The following SH2D4B variants were observed in gnomAD, a reference collection of about 807,000 sequenced individuals.
SH2D4B encodes the protein SH2 domain containing 4B, also known as SH2 domain-containing protein 4B.
A neutral mutation model predicts 61.5 loss-of-function variants in SH2D4B; 45 were observed. The observed-to-expected ratio is 0.73, with a 90% CI of 0.58 to 0.94. The LOEUF (loss-of-function observed/expected upper bound fraction) is 0.94. Among genes scored for constraint, SH2D4B ranks in the 40% least tolerant of loss-of-function variants. SH2D4B has a pLI of 0.00. For missense variants in SH2D4B, 572 were observed against 574.2 expected (o/e 1.00, Z 0.04); for synonymous variants, 224 against 220.4 (o/e 1.02, Z -0.14).
At chr10:80,544,368 C>T (rs565749023) in intron 1 of SH2D4B, among the ~76,000 whole-genome samples, 10 of 152,346 alleles carry the variant, frequency 6.6e-5, no homozygotes, top group African/African-American at 2.4e-4. Flanking sequence ...ACTCCGGATA[C>T]ACCGCTTTTA....
chr10:80,635,100 T>C (rs1842881691), intron 7 of SH2D4B, among the ~76,000 whole-genome samples: 1 of 152,216 alleles, frequency 6.6e-6, no homozygotes, highest in Non-Finnish European at 1.5e-5. Flanking sequence ...CTGTGAGCAT[T>C]AAATGAAGTC....
intron 7 of SH2D4B, among the ~76,000 whole-genome samples, chr10:80,640,093 T>C (rs1840263200): frequency 6.6e-6 from 1 of 152,206 alleles, no homozygotes; most frequent in Non-Finnish European, 1.5e-5. Flanking sequence ...AATTCTTTTG[T>C]TTAAGAATGT....
chr10:80,603,496 A>G (rs1842475569), intron 4 of SH2D4B, 83 bp from the exon 5 acceptor site: 3 of 1,317,720 alleles, frequency 2.3e-6, no homozygotes, highest in Non-Finnish European at 3.1e-6. Flanking sequence ...CTTTTGCACC[A>G]ACCAAATACT....
intron 4 of SH2D4B, among the ~76,000 whole-genome samples, chr10:80,592,295 T>C (rs879034962): frequency 6.6e-6 from 1 of 152,230 alleles, no homozygotes; most frequent in Admixed American, 6.5e-5. Flanking sequence ...ATCAGAGATA[T>C]GGTTTGCAAA....
intron 1 of SH2D4B, among the ~76,000 whole-genome samples, chr10:80,549,296 C>T (rs1346462884): frequency 2.6e-5 from 4 of 151,528 alleles, no homozygotes; most frequent in African/African-American, 7.3e-5. Flanking sequence ...AGAGCTGGGG[C>T]CAGACCTTTC....
rs768747335 is a variant in SH2D4B at position 80,603,810 on chromosome 10, C to T, written c.860+15C>T. 23 of 1,602,574 alleles carry T rather than the reference C, an allele frequency of 1.4e-5. No homozygotes were observed. The highest frequency in any genetic ancestry group is 6.7e-5 in the African/African-American group (5 of 74,844). On this transcript the variant is annotated intron_variant, in intron 5 of 7. Coordinates refer to ENST00000646907, the MANE Select transcript of SH2D4B (RefSeq NM_001388272.1). Reference sequence around the variant, plus strand: ...CTGCCGGTCAGGTGGGTCCAGGCTCCGTGTTGGTGTGGTTGGGGCAAGGGC... The same window carrying T: ...CTGCCGGTCAGGTGGGTCCAGGCTCTGTGTTGGTGTGGTTGGGGCAAGGGC...
In SH2D4B at chr10:80,588,749, GAA is replaced by G; in HGVS notation, c.617_618del (p.Lys206ArgfsTer16). 1 of 1,614,136 alleles carries G rather than the reference GAA, an allele frequency of 6.2e-7. No individual in the cohort carries two copies. Among genetic ancestry groups the G allele is most frequent in the African/African-American group, 1.3e-5 (1 of 75,064 alleles). On this transcript the variant is annotated frameshift_variant, in exon 4 of 8. Coordinates refer to ENST00000646907, the MANE Select transcript of SH2D4B (RefSeq NM_001388272.1). LOFTEE classifies it high-confidence loss of function. The stretch of plus-strand genomic sequence containing the variant: ...CTCAGCTGCATTGCCAAGCCAGTGA[GAA>G]AGAGGAGCGAGAGTGGGAAGAACAG... ...QAQLHCQASE[K>X]EEREWEEQLR...
At chr10:80,592,707 C>G (rs867845020) in intron 4 of SH2D4B, among the ~76,000 whole-genome samples, 6 of 142,416 alleles carry the variant, frequency 4.2e-5, no homozygotes, top group Middle Eastern at 7.2e-3. Context: ...TACTCTGTCT[C>G]TCTGTCTCTT....
At chr10:80,550,353 G>A (rs978536320) in intron 1 of SH2D4B, among the ~76,000 whole-genome samples, 2 of 152,144 alleles carry the variant, frequency 1.3e-5, no homozygotes, top group Non-Finnish European at 2.9e-5. Flanking sequence ...CAGCACTTTG[G>A]GAGGCTGAGG....
chr10:80,596,209 C>T (rs1351716768), intron 4 of SH2D4B, among the ~76,000 whole-genome samples: 1 of 152,252 alleles, frequency 6.6e-6, no homozygotes, highest in East Asian at 1.9e-4. Flanking sequence ...TCCCCTTGCT[C>T]ATTGATAACG....
intron 1 of SH2D4B, among the ~76,000 whole-genome samples, chr10:80,550,885 G>A (rs1208715440): frequency 6.6e-6 from 1 of 151,500 alleles, no homozygotes; most frequent in African/African-American, 2.4e-5. Context: ...CTGCCATGAT[G>A]AAAAACATAT....
At chr10:80,639,018 T>C (rs982192819) in intron 7 of SH2D4B, among the ~76,000 whole-genome samples, 7 of 152,364 alleles carry the variant, frequency 4.6e-5, no homozygotes, top group African/African-American at 1.7e-4. Flanking sequence ...AGAACAACTT[T>C]ATTTCTGCCT....
intron 1 of SH2D4B, among the ~76,000 whole-genome samples, chr10:80,560,599 A>G (rs772790125): frequency 2.7e-5 from 4 of 149,770 alleles, no homozygotes; most frequent in Non-Finnish European, 5.9e-5. Context: ...TTTGTGACCC[A>G]GGCTGGTCTT....
chr10:80,561,068 A>G (rs1422573153), intron 1 of SH2D4B, among the ~76,000 whole-genome samples: 1 of 152,160 alleles, frequency 6.6e-6, no homozygotes, highest in Admixed American at 6.5e-5. Context: ...ATGTATGATG[A>G]GTGTTTTGAG....
chr10:80,590,413 C>G (rs1045168496), intron 4 of SH2D4B, among the ~76,000 whole-genome samples: 2 of 152,106 alleles, frequency 1.3e-5, no homozygotes, highest in Admixed American at 6.5e-5. Flanking sequence ...ATTGGCTATT[C>G]CTGGGAGGGG....
At chr10:80,609,381 C>A in intron 5 of SH2D4B, 43 bp from the exon 6 acceptor site, 1 of 1,503,146 alleles carries the variant, frequency 6.7e-7, no homozygotes, top group South Asian at 1.1e-5. Flanking sequence ...CGCTCTTTCT[C>A]CCTCCCTGAC....
Position 80,633,217 on chromosome 10 carries a change from C to T in SH2D4B, c.989-1068C>T, listed in dbSNP as rs138362975. ...ATGGGCAGCCCAGCCACTCTGTCCC[C>T]ATGCCTGTCACTGATAGTGTGGAAA... On this transcript the variant is annotated intron_variant, in intron 6 of 7. Transcript: ENST00000646907. 3.4e-3 allele frequency among the ~76,000 whole-genome samples: 513 copies of T among 152,100 alleles called. 2 individuals are homozygous for T. The highest frequency in any genetic ancestry group is 0.012 in the African/African-American group (489 of 41,484).
intron 4 of SH2D4B, among the ~76,000 whole-genome samples, chr10:80,596,648 T>C (rs547658403): frequency 1.3e-5 from 2 of 152,306 alleles, no homozygotes; most frequent in African/African-American, 4.8e-5. Flanking sequence ...GAGTTACTGC[T>C]GGGCATTCCA....
At chr10:80,560,876 T>G (rs1841894684) in intron 1 of SH2D4B, among the ~76,000 whole-genome samples, 1 of 152,128 alleles carries the variant, frequency 6.6e-6, no homozygotes, top group Non-Finnish European at 1.5e-5. Flanking sequence ...TTCTTTTATC[T>G]TTACATTTGT....
Sources: gnomAD v4.1 joint callset for allele counts (sites outside exome capture counted in the v4.1 genomes callset) on GRCh38, gnomAD v4.1.1 for gene constraint, MANE v1.5 for transcripts, NCBI Gene and HGNC (gene_info 2026-07-23, HGNC 2026-07-21) for gene names.